Variants in ACYP1 observed in about 807,000 individuals in gnomAD.
ACYP1 encodes the protein acylphosphatase 1, also known as acylphosphatase-1.
ACYP1 carries 8 observed loss-of-function variants against 10.4 expected under a neutral mutation model. The ratio of observed to expected loss-of-function variants is 0.77; its 90% confidence interval spans 0.45 to 1.38. ACYP1 has a LOEUF of 1.38. Among genes scored for constraint, ACYP1 ranks in the 40% most tolerant of loss-of-function variants. ACYP1 has a pLI of 0.00. For missense variants in ACYP1, 93 were observed against 117.3 expected (o/e 0.79, Z 0.96); for synonymous variants, 38 against 40.8 (o/e 0.93, Z 0.26).
upstream of ACYP1, among the ~76,000 whole-genome samples, chr14:75,064,928 C>T (rs1246214169): frequency 2.6e-5 from 4 of 152,286 alleles, no homozygotes; most frequent in East Asian, 7.7e-4. Context: ...CTGGAAGCTA[C>T]TCACCGGTCT....
intron 2 of ACYP1, among the ~76,000 whole-genome samples, chr14:75,053,960 T>TCC (rs1169988463): frequency 6.6e-6 from 1 of 152,196 alleles, no homozygotes; most frequent in Non-Finnish European, 1.5e-5. Flanking sequence ...TTTGAAATGA[T>TCC]CCCCTAAGGC....
upstream of ACYP1, chr14:75,064,095 G>A (rs1278753985): frequency 1.3e-5 from 12 of 948,854 alleles, no homozygotes; most frequent in African/African-American, 1.4e-4. Context: ...ACCTCCAGCT[G>A]ACCAATCAGA....
At position 75,053,308 on chromosome 14, in the gene ACYP1, TATATA is replaced by T. The variant is rs1290917298; in HGVS notation, c.*131_*135del. On this transcript the variant is annotated 3_prime_UTR_variant, in exon 3 of 3. Coordinates refer to ENST00000238618, the MANE Select transcript of ACYP1 (RefSeq NM_001107.5). ...GGTAATCCTTCCATCATACAGGTAA[TATATA>T]ATAACATTCAAAAATCTGACATTAA... 2 of 748,386 alleles carry T rather than the reference TATATA, an allele frequency of 2.7e-6. No homozygotes were observed. The highest frequency in any genetic ancestry group is 3.5e-5 in the African/African-American group (2 of 56,878). 46.4% of individuals were successfully genotyped at this position (748,386 alleles called of 1,614,324 possible).
At chr14:75,054,514 G>T (rs1892827719) in intron 2 of ACYP1, among the ~76,000 whole-genome samples, 1 of 151,566 alleles carries the variant, frequency 6.6e-6, no homozygotes, top group Admixed American at 6.6e-5. Context: ...ATAAATTTAT[G>T]ATTAGAATAT....
At position 75,053,486 on chromosome 14, in the gene ACYP1, G is replaced by GA; in HGVS notation, c.257dup (p.Ile87HisfsTer17). The GA allele has an allele frequency of 6.2e-7, 1 of 1,614,136 alleles. No homozygotes were observed. Among genetic ancestry groups the GA allele is most frequent in the Non-Finnish European group, 8.5e-7 (1 of 1,180,044 alleles). ...AGTCTGAGTAATCCAACTTCAAGAT[G>GA]ACTTTTTCATTGTTGAAGTTTGCTT... On this transcript the variant is annotated frameshift_variant, in exon 3 of 3. Coordinates refer to ENST00000238618, the MANE Select transcript of ACYP1 (RefSeq NM_001107.5). LOFTEE classifies it high-confidence loss of function.
At chr14:75,058,038 A>G (rs175511) in intron 2 of ACYP1, among the ~76,000 whole-genome samples, 143,837 of 146,806 alleles carry the variant, frequency 0.98, 70,637 homozygotes, top group East Asian at 1. Flanking sequence ...GGTTTATTTG[A>G]CTCATGATTC....
chr14:75,063,369 C>A (rs1594796701), intron 2 of ACYP1, 101 bp downstream of exon 2: 1 of 929,784 alleles, frequency 1.1e-6, no homozygotes, highest in East Asian at 2.4e-5. Flanking sequence ...CATGCAGCTA[C>A]CAAATAGCCA....
At chr14:75,063,447 C>T in intron 2 of ACYP1, 23 bp downstream of exon 2, 1 of 1,606,392 alleles carries the variant, frequency 6.2e-7, no homozygotes, top group Non-Finnish European at 8.5e-7. Context: ...AGGTTACCAC[C>T]CCAAAGCCTG....
upstream of ACYP1, among the ~76,000 whole-genome samples, chr14:75,067,505 T>C (rs1893162237): frequency 6.6e-6 from 1 of 152,142 alleles, no homozygotes; most frequent in Non-Finnish European, 1.5e-5. Context: ...AACTGGACAA[T>C]GACGGGGAGA....
chr14:75,063,479 C>T lies in ACYP1; in HGVS notation c.75G>A (p.Lys25=). The change falls in exon 2 of 3, where the codon AAG becomes AAA. Residue 25 remains lysine, a synonymous_variant. Transcript: ENST00000238618. ...CCTGCAGGCCACATACCTGAGTATG[C>T]TTACGGAAAAACACCCCTTGCACCT... ...FGKVQGVFFR[K]HTQAEGKKLG... 6.2e-7 allele frequency: 1 copy of T among 1,613,730 alleles called. No homozygotes were observed. The highest frequency in any genetic ancestry group is 8.5e-7 in the Non-Finnish European group (1 of 1,179,782).
At chr14:75,056,204 T>C (rs1244607690) in intron 2 of ACYP1, among the ~76,000 whole-genome samples, 1 of 151,236 alleles carries the variant, frequency 6.6e-6, no homozygotes, top group African/African-American at 2.5e-5. Context: ...AAAAATCCTT[T>C]ACCAACCCTT....
chr14:75,064,228 C>T (rs1012032236), upstream of ACYP1: 3 of 154,646 alleles, frequency 1.9e-5, no homozygotes, highest in Admixed American at 1.3e-4. Flanking sequence ...AAACCTAGCC[C>T]TCATCGCATC....
intron 2 of ACYP1, among the ~76,000 whole-genome samples, chr14:75,058,183 T>C (rs1463297750): frequency 4.0e-5 from 6 of 150,570 alleles, no homozygotes; most frequent in African/African-American, 1.5e-4. Context: ...GCACGGTGGC[T>C]CACACCTGTA....
At position 75,063,867 on chromosome 14, in the gene ACYP1, T is replaced by C. The variant is rs139282506; in HGVS notation, c.-9+87A>G. The C allele has an allele frequency of 3.4e-4, 322 of 948,944 alleles. 3 individuals carry two copies. In the East Asian group the frequency reaches 0.017, roughly 51 times the overall value. 58.8% of individuals were successfully genotyped at this position (948,944 alleles called of 1,614,324 possible). On this transcript the variant is annotated intron_variant, in intron 1 of 2. Coordinates refer to ENST00000238618, the MANE Select transcript of ACYP1 (RefSeq NM_001107.5). Reference sequence around the variant, plus strand: ...CCGCTCCCTCACTACCAGAATTCCCTGCTACTAACTCCCAGAATCCCCTGC... The same window carrying C: ...CCGCTCCCTCACTACCAGAATTCCCCGCTACTAACTCCCAGAATCCCCTGC...
At chr14:75,067,890 T>A (rs1893176926), upstream of ACYP1, among the ~76,000 whole-genome samples, 3 of 151,604 alleles carry the variant, frequency 2.0e-5, no homozygotes, top group African/African-American at 7.3e-5. Context: ...TCCCAGCTAC[T>A]CGGGAGGCTG....
chr14:75,069,253 C>T, exon 1 of ACYP1: 4 of 1,487,296 alleles, frequency 2.7e-6, no homozygotes, highest in Non-Finnish European at 3.5e-6. Flanking sequence ...GAAAGGCCAG[C>T]AGCAGCCCCG....
chr14:75,061,615 T>G, intron 2 of ACYP1: 1 of 1,174,672 alleles, frequency 8.5e-7, no homozygotes, highest in Non-Finnish European at 1.2e-6. Context: ...TATCTGACCC[T>G]TTTCCCTCAA....
chr14:75,069,148 G>T, intron 1 of ACYP1: 5 of 1,454,432 alleles, frequency 3.4e-6, no homozygotes, highest in East Asian at 2.7e-5. Flanking sequence ...TAGCAAAAAC[G>T]TTGGCAGCAA....
intron 2 of ACYP1, chr14:75,061,772 T>C (rs1893021715): frequency 6.4e-7 from 1 of 1,560,482 alleles, no homozygotes. Context: ...CCTATTTGAG[T>C]GTCAGATGGG....
Sources: gnomAD v4.1 joint callset for allele counts (sites outside exome capture counted in the v4.1 genomes callset) on GRCh38, gnomAD v4.1.1 for gene constraint, MANE v1.5 for transcripts, NCBI Gene and HGNC (gene_info 2026-07-23, HGNC 2026-07-21) for gene names.